PCDH17: variants seen among roughly 807,000 people sequenced by gnomAD.
PCDH17 encodes protocadherin-17.
Under a neutral mutation model 67.7 loss-of-function variants are expected in PCDH17, and 21 were observed. The observed-to-expected ratio is 0.31, with a 90% CI of 0.22 to 0.45. PCDH17 has a LOEUF of 0.45. Among genes scored for constraint, PCDH17 ranks in the 20% least tolerant of loss-of-function variants. The pLI is 1.00. For synonymous variants in PCDH17, 701 were observed against 656.7 expected (o/e 1.07, Z -1.03); for missense variants, 1,471 against 1,564.8 (o/e 0.94, Z 1.01).
At position 57,634,164 on chromosome 13, in the gene PCDH17, T is replaced by C; in HGVS notation, c.1618T>C (p.Phe540Leu). Residue 540 changes from phenylalanine to leucine, a missense_variant, in exon 1 of 4, where the codon TTT becomes CTT. Phe to Leu is a conservative substitution (Grantham distance 22). Coordinates refer to ENST00000377918, the MANE Select transcript of PCDH17 (RefSeq NM_001040429.3). The surrounding 1 kb of genome is among the most constrained non-coding windows in gnomAD (Gnocchi z 7.8). The stretch of plus-strand genomic sequence containing the variant: ...CGGGGCCATCTACGCCCTGCGCTCC[T>C]TTAACTTCGAGCAGACCAAGGCTTT... ...TNGAIYALRSFNFEQTKAFEF... is the reference protein window; with the variant it reads ...TNGAIYALRSLNFEQTKAFEF... 6.2e-7 allele frequency: 1 copy of C among 1,613,620 alleles called. No individual in the cohort carries two copies. The highest frequency in any genetic ancestry group is 8.5e-7 in the Non-Finnish European group (1 of 1,180,030).
chr13:57,666,246 G>T (rs946747125), intron 1 of PCDH17, among the ~76,000 whole-genome samples: 1 of 152,022 alleles, frequency 6.6e-6, no homozygotes, highest in Non-Finnish European at 1.5e-5. Context: ...GTTATGACAG[G>T]CTCATTGTTT....
At chr13:57,631,034 CCT>C (rs1469609280), upstream of PCDH17, among the ~76,000 whole-genome samples, 1 of 152,120 alleles carries the variant, frequency 6.6e-6, no homozygotes, top group Non-Finnish European at 1.5e-5. Context: ...CCCTGCCCTC[CCT>C]GAGTCGCCCA....
chr13:57,662,778 AC>A (rs1955199325), intron 1 of PCDH17, among the ~76,000 whole-genome samples: 1 of 152,166 alleles, frequency 6.6e-6, no homozygotes, highest in African/African-American at 2.4e-5. Flanking sequence ...TTATAAATGT[AC>A]CACAGTTTGC....
intron 3 of PCDH17, 31 bp downstream of exon 3, chr13:57,666,864 G>A (rs754983896): frequency 3.2e-6 from 5 of 1,558,030 alleles, no homozygotes; most frequent in Non-Finnish European, 4.4e-6. Context: ...CTTACAAAGT[G>A]TAAAGCTTAA....
rs1324916179 is a variant in PCDH17 at position 57,728,142 on chromosome 13, T to G, written c.*2848T>G. On this transcript the variant is annotated 3_prime_UTR_variant, in exon 4 of 4. Transcript: ENST00000377918. ...AGTCAGGACTCTAAGCTTTTATAGT[T>G]GAATTGAGGAAATCTCGCTTTTATT... 6.6e-6 allele frequency: 1 copy of G among 152,562 alleles called. No homozygotes were observed. The highest frequency in any genetic ancestry group is 1.5e-5 in the Non-Finnish European group (1 of 68,004). The allele number at this position is 152,562 out of a possible 1,614,324, so 9.5% of individuals were successfully genotyped here.
chr13:57,665,798 G>T (rs1012336273), intron 1 of PCDH17, among the ~76,000 whole-genome samples: 1 of 152,070 alleles, frequency 6.6e-6, no homozygotes, highest in Non-Finnish European at 1.5e-5. Context: ...TTATGCTCAC[G>T]TTTTAAGTAA....
intron 3 of PCDH17, among the ~76,000 whole-genome samples, chr13:57,683,433 C>T (rs2138051425): frequency 6.6e-6 from 1 of 151,876 alleles, no homozygotes; most frequent in South Asian, 2.1e-4. Context: ...CATTTTGAAA[C>T]GTATGACTCC....
chr13:57,639,436 T>C (rs1265854768), intron 1 of PCDH17, among the ~76,000 whole-genome samples: 1 of 151,830 alleles, frequency 6.6e-6, no homozygotes, highest in Non-Finnish European at 1.5e-5. Flanking sequence ...TTAGCTCCAA[T>C]TTTAATGTGG....
In PCDH17 at chr13:57,724,857, G is replaced by A. The variant is rs770993611; in HGVS notation, c.3043G>A (p.Val1015Ile). 5 of 1,614,166 alleles carry A rather than the reference G, an allele frequency of 3.1e-6. No homozygotes were observed. The highest frequency in any genetic ancestry group is 1.3e-5 in the African/African-American group (1 of 75,068). ...KREHTILIAN[V>I]KPYLKAKRAL... Reference sequence around the variant, plus strand: ...AGAGCACACTATTCTCATTGCCAACGTTAAACCTTATTTAAAAGCCAAACG... The same window carrying A: ...AGAGCACACTATTCTCATTGCCAACATTAAACCTTATTTAAAAGCCAAACG... Residue 1015 changes from valine to isoleucine, a missense_variant, in exon 4 of 4, where the codon GTT becomes ATT. Around this residue, in one of 3 missense-constraint regions of PCDH17, gnomAD observed 297 missense variants for 298.6 expected, o/e 0.99. Coordinates refer to ENST00000377918, the MANE Select transcript of PCDH17 (RefSeq NM_001040429.3).
intron 1 of PCDH17, among the ~76,000 whole-genome samples, chr13:57,655,622 T>G (rs1955092902): frequency 6.6e-6 from 1 of 152,092 alleles, no homozygotes; most frequent in African/African-American, 2.4e-5. Context: ...AATCATATGA[T>G]TAAACCTCCT....
chr13:57,724,691 T>C lies in PCDH17; in HGVS notation c.2877T>C (p.Pro959=). ...HSDRCWMPQF[P]AANQAENADY... ...ACAGGTGCTGGATGCCACAGTTCCC[T>C]GCAGCCAATCAGGCTGAAAATGCAG... is the stretch of plus-strand genomic sequence containing the variant. Residue 959 remains proline (P), a synonymous_variant, in exon 4 of 4, where the codon CCT becomes CCC. Coordinates refer to ENST00000377918, the MANE Select transcript of PCDH17 (RefSeq NM_001040429.3). 1 of 1,614,138 alleles carries C rather than the reference T, an allele frequency of 6.2e-7. No individual in the cohort carries two copies.
At chr13:57,701,652 G>A (rs77860747) in intron 3 of PCDH17, among the ~76,000 whole-genome samples, 2,125 of 151,886 alleles carry the variant, frequency 0.014, 54 homozygotes, top group African/African-American at 0.048. Context: ...GTTTGTTTTC[G>A]GTTTTATGTA....
intron 3 of PCDH17, among the ~76,000 whole-genome samples, chr13:57,685,263 A>G (rs1213406999): frequency 1.3e-5 from 2 of 152,006 alleles, no homozygotes; most frequent in Non-Finnish European, 2.9e-5. Flanking sequence ...TGCTCTTAAT[A>G]TGTAATACCT....
chr13:57,642,879 C>T (rs1393731055), intron 1 of PCDH17, among the ~76,000 whole-genome samples: 1 of 151,556 alleles, frequency 6.6e-6, no homozygotes, highest in Non-Finnish European at 1.5e-5. Context: ...TCAGACTATG[C>T]ATGTCATATA....
intron 3 of PCDH17, among the ~76,000 whole-genome samples, chr13:57,714,190 A>G (rs1955799857): frequency 6.6e-6 from 1 of 151,760 alleles, no homozygotes; most frequent in East Asian, 1.9e-4. Context: ...CTGTTTTCTG[A>G]GAGTGCTAAA....
intron 3 of PCDH17, among the ~76,000 whole-genome samples, chr13:57,718,465 G>A (rs1955842495): frequency 6.6e-6 from 1 of 151,838 alleles, no homozygotes; most frequent in Non-Finnish European, 1.5e-5. Flanking sequence ...CAAGTAAATG[G>A]GACATAGAAG....
intron 3 of PCDH17, among the ~76,000 whole-genome samples, chr13:57,685,098 T>C (rs1955493524): frequency 6.6e-6 from 1 of 151,938 alleles, no homozygotes; most frequent in Admixed American, 6.6e-5. Context: ...CAATAGTGTG[T>C]TGCCATATAA....
At chr13:57,674,991 A>G (rs1207413597) in intron 3 of PCDH17, among the ~76,000 whole-genome samples, 1 of 151,900 alleles carries the variant, frequency 6.6e-6, no homozygotes, top group Non-Finnish European at 1.5e-5. Flanking sequence ...GTGGTTTTCC[A>G]CTGTAGGACT....
intron 3 of PCDH17, among the ~76,000 whole-genome samples, chr13:57,675,655 G>A (rs1422739240): frequency 2.6e-5 from 4 of 152,070 alleles, no homozygotes; most frequent in African/African-American, 7.2e-5. Context: ...CACAGATGAC[G>A]TGAACCAGTG....
Sources: allele counts gnomAD v4.1 joint callset (sites outside exome capture counted in the v4.1 genomes callset), GRCh38; gene constraint gnomAD v4.1.1; regional missense constraint gnomAD v4.1.1; non-coding constraint Gnocchi (gnomAD v3.1); transcripts MANE v1.5; gene names NCBI Gene and HGNC (gene_info 2026-07-23, HGNC 2026-07-21).